The following ALOX5 variants were observed in gnomAD, a reference collection of about 807,000 sequenced individuals.
ALOX5 encodes the protein arachidonate 5-lipoxygenase.
A neutral mutation model predicts 87.9 loss-of-function variants in ALOX5; 64 were observed. The ratio of observed to expected loss-of-function variants is 0.73; its 90% CI spans 0.60 to 0.90. The LOEUF (loss-of-function observed/expected upper bound fraction) is 0.90. ALOX5 is among the 40% of genes least tolerant of loss of function. The probability of loss-of-function intolerance (pLI) is 0.00; values close to 1 mark genes in which losing one functional copy is unlikely to be tolerated. For synonymous variants in ALOX5, 388 were observed against 355.1 expected, an observed-to-expected ratio of 1.09 and a Z score of -1.04; for missense variants, 822 against 907.5, an observed-to-expected ratio of 0.91 and a Z score of 1.21.
chr10:45,428,983 AC>A (rs1841827530), intron 7 of ALOX5, among the ~76,000 whole-genome samples: 1 of 151,942 alleles, frequency 6.6e-6, no homozygotes, highest in South Asian at 2.1e-4. Flanking sequence ...ACTGTGGAGG[AC>A]CTGCCCTGGG....
At chr10:45,422,712 G>A (rs1285522393) in intron 4 of ALOX5, among the ~76,000 whole-genome samples, 1 of 152,224 alleles carries the variant, frequency 6.6e-6, no homozygotes, top group Non-Finnish European at 1.5e-5. Context: ...TCACTCCAGT[G>A]AGCCCTCCAG....
At position 45,441,331 on chromosome 10, in the gene ALOX5, C is replaced by T. The variant is rs765141874; in HGVS notation, c.1186-13C>T. ...TGGGCCCCCTCTGAGGCCTCCTCCT[C>T]TCCCCTCCCCAGCTGCTGGTGGCAC... On this transcript the variant is annotated splice_polypyrimidine_tract_variant and intron_variant, in intron 8 of 13. Coordinates refer to ENST00000374391, the MANE Select transcript of ALOX5 (RefSeq NM_000698.5). 4 of 1,612,612 alleles carry T rather than the reference C, an allele frequency of 2.5e-6. No homozygotes were observed. Among genetic ancestry groups the T allele is most frequent in the Non-Finnish European group, 3.4e-6 (4 of 1,179,088 alleles).
intron 9 of ALOX5, 146 bp downstream of exon 9, chr10:45,441,576 G>A (rs1015599331): frequency 7.3e-5 from 54 of 744,278 alleles, no homozygotes; most frequent in Non-Finnish European, 1.1e-4. Context: ...GCATCCTCCT[G>A]ATGTCTCCAG....
intron 1 of ALOX5, among the ~76,000 whole-genome samples, chr10:45,374,689 C>T (rs1758551601): frequency 6.6e-6 from 1 of 152,202 alleles, no homozygotes; most frequent in Admixed American, 6.5e-5. Context: ...GGAGACTTCC[C>T]GCGTGCCGCC....
chr10:45,393,344 G>C (rs1355068791), intron 2 of ALOX5, among the ~76,000 whole-genome samples: 5 of 152,066 alleles, frequency 3.3e-5, no homozygotes, highest in Non-Finnish European at 5.9e-5. Context: ...CAGAACCAAA[G>C]ACAAAAACCA....
intron 7 of ALOX5, among the ~76,000 whole-genome samples, chr10:45,430,312 A>G (rs1468823504): frequency 6.6e-6 from 1 of 152,172 alleles, no homozygotes; most frequent in Non-Finnish European, 1.5e-5. Flanking sequence ...TTTGCAAACT[A>G]TAAAGACTCA....
At position 45,381,738 on chromosome 10, in the gene ALOX5, C is replaced by T. The variant is rs540185999; in HGVS notation, c.151-745C>T. 2.6e-5 allele frequency among the ~76,000 whole-genome samples: 4 copies of T among 152,384 alleles called. No individual in the cohort carries two copies. The East Asian group carries it at 7.7e-4, about 29-fold the overall frequency. On this transcript the variant is annotated intron_variant, in intron 1 of 13. Transcript: ENST00000374391. Reference sequence around the variant, plus strand: ...TGCCCTCTGAGCAGCACAGCACCATCCTGGCTCACTGGATTCTCTCTCCTC... The same window carrying T: ...TGCCCTCTGAGCAGCACAGCACCATTCTGGCTCACTGGATTCTCTCTCCTC...
chr10:45,391,076 G>A (rs1170297872), intron 2 of ALOX5, among the ~76,000 whole-genome samples: 6 of 13,990 alleles, frequency 4.3e-4, no homozygotes, highest in African/African-American at 1.7e-3. Context: ...CTCTCCCCAC[G>A]GTCTCCCTCT....
At chr10:45,380,130 G>A (rs544632582) in intron 1 of ALOX5, among the ~76,000 whole-genome samples, 3 of 152,302 alleles carry the variant, frequency 2.0e-5, no homozygotes, top group South Asian at 2.1e-4. Flanking sequence ...CATGATGGGC[G>A]AGGCCTTGTG....
At chr10:45,399,251 T>C (rs1364466884) in intron 3 of ALOX5, among the ~76,000 whole-genome samples, 1 of 152,190 alleles carries the variant, frequency 6.6e-6, no homozygotes, top group Non-Finnish European at 1.5e-5. Context: ...AAGAAAAATC[T>C]GTACAGATAT....
intron 2 of ALOX5, among the ~76,000 whole-genome samples, chr10:45,388,957 C>T (rs900276995): frequency 2.0e-5 from 3 of 152,130 alleles, no homozygotes; most frequent in Non-Finnish European, 4.4e-5. Flanking sequence ...AAAGATTAGA[C>T]GAATGGCTAA....
At chr10:45,407,143 A>T (rs1399591080) in intron 3 of ALOX5, among the ~76,000 whole-genome samples, 1 of 152,140 alleles carries the variant, frequency 6.6e-6, no homozygotes, top group Non-Finnish European at 1.5e-5. Context: ...CATTGATGAC[A>T]ATATGAGAGG....
intron 9 of ALOX5, 39 bp downstream of exon 9, chr10:45,441,469 C>T (rs762756660): frequency 1.3e-6 from 2 of 1,588,558 alleles, no homozygotes; most frequent in South Asian, 2.2e-5. Flanking sequence ...CTGGAAGAGC[C>T]CAGCCTGGCC....
chr10:45,375,239 G>C (rs1011999461), intron 1 of ALOX5, among the ~76,000 whole-genome samples: 2 of 152,180 alleles, frequency 1.3e-5, no homozygotes, highest in Admixed American at 1.3e-4. Context: ...GTGTGAGGAC[G>C]CGAGGGAGCC....
intron 3 of ALOX5, among the ~76,000 whole-genome samples, chr10:45,405,137 A>G (rs1019476077): frequency 2.0e-5 from 3 of 152,214 alleles, no homozygotes; most frequent in African/African-American, 4.8e-5. Flanking sequence ...GCCAGAACCA[A>G]CCTTGTACAA....
chr10:45,416,729 G>T (rs778021423), intron 4 of ALOX5, among the ~76,000 whole-genome samples: 1 of 152,118 alleles, frequency 6.6e-6, no homozygotes, highest in Non-Finnish European at 1.5e-5. Context: ...ATGAAGGGAA[G>T]GAGGAAGGAT....
intron 2 of ALOX5, among the ~76,000 whole-genome samples, chr10:45,383,515 C>T (rs777953689): frequency 2.0e-5 from 3 of 152,188 alleles, no homozygotes; most frequent in Non-Finnish European, 2.9e-5. Context: ...AGGCAGCCAC[C>T]GTAATAAGAG....
intron 2 of ALOX5, among the ~76,000 whole-genome samples, chr10:45,386,300 C>CA (rs56924533): frequency 0.013 from 1,568 of 124,422 alleles, 16 homozygotes; most frequent in African/African-American, 0.027. Context: ...GACTCTGTCT[C>CA]AAAAAAAAAA....
chr10:45,422,607 C>A (rs1446810691), intron 4 of ALOX5, among the ~76,000 whole-genome samples: 2 of 152,246 alleles, frequency 1.3e-5, no homozygotes, highest in East Asian at 3.9e-4. Context: ...ATGACTGTGC[C>A]CTCAGCATGC....
Sources: gnomAD v4.1 joint callset for allele counts (sites outside exome capture counted in the v4.1 genomes callset) on GRCh38, gnomAD v4.1.1 for gene constraint, MANE v1.5 for transcripts, NCBI Gene and HGNC (gene_info 2026-07-23, HGNC 2026-07-21) for gene names.